The following GOLM2 variants were observed in gnomAD, a reference collection of about 807,000 sequenced individuals.
GOLM2 encodes golgi membrane protein 2, also known as protein GOLM2.
In GOLM2, 26 loss-of-function variants were observed where a neutral mutation model predicts 55.9. The ratio of observed to expected loss-of-function variants is 0.47; its 90% CI spans 0.34 to 0.65. The LOEUF (loss-of-function observed/expected upper bound fraction) is 0.65. Among genes scored for constraint, GOLM2 ranks in the 30% least tolerant of loss-of-function variants. The pLI is 0.01. For missense variants in GOLM2, 486 were observed against 531.8 expected (o/e 0.91, Z 0.85); for synonymous variants, 165 against 194.6 (o/e 0.85, Z 1.27).
At chr15:44,321,182 A>G (rs906694675) in intron 1 of GOLM2, among the ~76,000 whole-genome samples, 2 of 151,968 alleles carry the variant, frequency 1.3e-5, no homozygotes, top group African/African-American at 4.8e-5. Context: ...ACTATAACAG[A>G]TTGCATGGGC....
At chr15:44,403,571 T>G (rs570698153) in intron 9 of GOLM2, among the ~76,000 whole-genome samples, 89 of 152,266 alleles carry the variant, frequency 5.8e-4, no homozygotes, top group Non-Finnish European at 9.6e-4. Flanking sequence ...TTTTAAAAAT[T>G]TTGGTTATCT....
In GOLM2 at chr15:44,298,286, G is replaced by A. The variant is rs1300158673; in HGVS notation, c.327+8930G>A. Among the ~76,000 whole-genome samples, 7 of 138,406 alleles carry A rather than the reference G, an allele frequency of 5.1e-5. No homozygotes were observed. The Admixed American group carries it at 5.1e-4, about 10-fold the overall frequency. 90.8% of individuals were successfully genotyped at this position (138,406 alleles called of 152,430 possible). The stretch of plus-strand genomic sequence containing the variant: ...TTTTCTTTTTTTTTTTTTTTGAGAT[G>A]GAGTTTTGCTCTTGTCGCCCAGGTT... On this transcript the variant is annotated intron_variant, in intron 1 of 9. Transcript: ENST00000299957.
chr15:44,368,282 C>A (rs1381352381), intron 6 of GOLM2, among the ~76,000 whole-genome samples: 1 of 150,764 alleles, frequency 6.6e-6, no homozygotes, highest in Admixed American at 6.6e-5. Flanking sequence ...GGATTACAGG[C>A]ATGCACCACC....
intron 6 of GOLM2, among the ~76,000 whole-genome samples, chr15:44,361,128 A>G (rs1306909134): frequency 6.6e-6 from 1 of 150,728 alleles, no homozygotes; most frequent in Non-Finnish European, 1.5e-5. Context: ...ACACCCTAAC[A>G]TCACAATTAA....
At chr15:44,379,374 G>A (rs1433566137) in intron 6 of GOLM2, among the ~76,000 whole-genome samples, 1 of 152,192 alleles carries the variant, frequency 6.6e-6, no homozygotes, top group African/African-American at 2.4e-5. Flanking sequence ...CTATTACGGA[G>A]GCTGAGGCAG....
rs148384201 is a variant in GOLM2, at chr15:44,374,957, C to G, written c.803-4733C>G. Among the ~76,000 whole-genome samples the G allele has an allele frequency of 1.3e-3, 205 of 152,238 alleles. 1 individual carries two copies. Among genetic ancestry groups the G allele is most frequent in the African/African-American group, 4.7e-3 (196 of 41,540 alleles). On this transcript the variant is annotated intron_variant, in intron 6 of 9. Coordinates refer to ENST00000299957, the MANE Select transcript of GOLM2 (RefSeq NM_138423.4). ...TGACTTGTATATTTTTCCCCTGGCT[C>G]TCTGGTCTTCAATGAAGAGGACCGG...
chr15:44,361,733 G>A (rs1318407884), intron 6 of GOLM2, among the ~76,000 whole-genome samples: 1 of 152,126 alleles, frequency 6.6e-6, no homozygotes, highest in Admixed American at 6.6e-5. Flanking sequence ...GCCAGGCAGA[G>A]ACACAACCAA....
chr15:44,389,360 T>C (rs767019832), intron 8 of GOLM2, among the ~76,000 whole-genome samples: 30 of 151,946 alleles, frequency 2.0e-4, no homozygotes, highest in Non-Finnish European at 3.1e-4. Context: ...CAGAACCCTG[T>C]CTCTACTGAA....
In GOLM2 at chr15:44,343,435, G is replaced by A. The variant is rs550052418; in HGVS notation, c.802+5118G>A. Among the ~76,000 whole-genome samples the A allele has an allele frequency of 1.1e-4, 17 of 152,110 alleles. No individual in the cohort carries two copies. In the South Asian group the frequency reaches 2.5e-3, roughly 22 times the overall value. On this transcript the variant is annotated intron_variant, in intron 6 of 9. Coordinates refer to ENST00000299957, the MANE Select transcript of GOLM2 (RefSeq NM_138423.4). ...AGTTTTGTCTTTTCTTCCTGAAGTA[G>A]AGTATGCCAAAATTCTTAATGTCAA... is the stretch of plus-strand genomic sequence containing the variant.
chr15:44,290,960 C>T (rs145696665), intron 1 of GOLM2, among the ~76,000 whole-genome samples: 2,446 of 151,924 alleles, frequency 0.016, 58 homozygotes, highest in East Asian at 0.094. Flanking sequence ...TGCACCACCA[C>T]GCCTGGCTAA....
In GOLM2 at chr15:44,333,882, AT is replaced by A. The variant is rs1266825374; in HGVS notation, c.576+1810del. On this transcript the variant is annotated intron_variant, in intron 4 of 9. Coordinates refer to ENST00000299957, the MANE Select transcript of GOLM2 (RefSeq NM_138423.4). ...AGGCACCTGCCACCACGCCCAGCTAATTTTTTGTATTTTTAGTAGAGACGGG... is the reference window on the plus strand; with the variant it reads ...AGGCACCTGCCACCACGCCCAGCTAATTTTTGTATTTTTAGTAGAGACGGG... Among the ~76,000 whole-genome samples the A allele has an allele frequency of 2.0e-5, 3 of 151,750 alleles. 1 individual carries two copies. Among genetic ancestry groups the A allele is most frequent in the Non-Finnish European group, 4.4e-5 (3 of 67,926 alleles).
At chr15:44,335,321 C>T (rs1329486179) in intron 4 of GOLM2, among the ~76,000 whole-genome samples, 2 of 151,960 alleles carry the variant, frequency 1.3e-5, no homozygotes, top group African/African-American at 4.8e-5. Flanking sequence ...AATCAGGAGG[C>T]CCACTAACCA....
chr15:44,292,502 GTA>G (rs1466302222), intron 1 of GOLM2, among the ~76,000 whole-genome samples: 4 of 152,050 alleles, frequency 2.6e-5, no homozygotes, highest in Admixed American at 6.6e-5. Context: ...GGCTAGTTCT[GTA>G]TATTTTTAAA....
intron 6 of GOLM2, among the ~76,000 whole-genome samples, chr15:44,359,732 C>G (rs1430882892): frequency 6.6e-6 from 1 of 152,152 alleles, no homozygotes; most frequent in African/African-American, 2.4e-5. Context: ...AGAAGAGCAA[C>G]TCCAAGACAC....
At chr15:44,366,198 G>A (rs1385576228) in intron 6 of GOLM2, among the ~76,000 whole-genome samples, 1 of 151,524 alleles carries the variant, frequency 6.6e-6, no homozygotes, top group East Asian at 1.9e-4. Flanking sequence ...TTGGGAGACT[G>A]AGGCAGGAGA....
rs57507375 is a variant in GOLM2 at position 44,396,521 on chromosome 15, A to G, written c.1073-6366A>G. On this transcript the variant is annotated intron_variant, in intron 8 of 9. Transcript: ENST00000299957. ...TGCCTTTGTAAATGGAAAAGGTTAAAGTTTATCTATTCCACATGACCAAAG... is the reference window on the plus strand; with the variant it reads ...TGCCTTTGTAAATGGAAAAGGTTAAGGTTTATCTATTCCACATGACCAAAG... Among the ~76,000 whole-genome samples, 867 of 152,340 alleles carry G rather than the reference A, an allele frequency of 5.7e-3. 8 individuals carry two copies. Among genetic ancestry groups the G allele is most frequent in the African/African-American group, 0.02 (838 of 41,580 alleles).
In GOLM2 at chr15:44,402,973, G is replaced by C. The variant is rs751788332; in HGVS notation, c.1159G>C (p.Gly387Arg). Residue 387 changes from glycine to arginine, a missense_variant, in exon 9 of 10, where the codon GGT (glycine) becomes CGT (arginine). Gly to Arg is a moderately radical substitution (Grantham distance 125). Transcript: ENST00000299957. ...ADYNGDDGNVGEYEADKQAEL... is the reference protein window; with the variant it reads ...ADYNGDDGNVREYEADKQAEL... ...TTATAATGGGGATGATGGTAACGTA[G>C]GTGAGTATGAGGCAGACAAGCAGGC... is the stretch of plus-strand genomic sequence containing the variant. 1 of 1,614,060 alleles carries C rather than the reference G, an allele frequency of 6.2e-7. No homozygotes were observed. Among genetic ancestry groups the C allele is most frequent in the South Asian group, 1.1e-5 (1 of 91,080 alleles).
At chr15:44,361,661 A>G (rs2079240807) in intron 6 of GOLM2, among the ~76,000 whole-genome samples, 1 of 151,766 alleles carries the variant, frequency 6.6e-6, no homozygotes, top group African/African-American at 2.4e-5. Flanking sequence ...ATTCCAATCA[A>G]TAGAAAAAGA....
chr15:44,377,240 T>C (rs561181351), intron 6 of GOLM2, among the ~76,000 whole-genome samples: 1 of 152,218 alleles, frequency 6.6e-6, no homozygotes, highest in East Asian at 1.9e-4. Flanking sequence ...AGTGTAGTAG[T>C]GCAAGCCTGT....
Sources: gnomAD v4.1 joint callset for allele counts (sites outside exome capture counted in the v4.1 genomes callset) on GRCh38, gnomAD v4.1.1 for gene constraint, MANE v1.5 for transcripts, NCBI Gene and HGNC (gene_info 2026-07-23, HGNC 2026-07-21) for gene names.